MAML2: variants seen among roughly 807,000 people sequenced by gnomAD.
MAML2 encodes mastermind like transcriptional coactivator 2, also known as mastermind-like protein 2.
In MAML2, 22 loss-of-function variants were observed where a neutral mutation model predicts 96.1. The ratio of observed to expected loss-of-function variants is 0.23; its 90% CI spans 0.16 to 0.33. The LOEUF is 0.33. Ranked by LOEUF, MAML2 falls within the 10% of genes least tolerant of loss-of-function variation. The pLI is 1.00. For missense variants in MAML2, 1,367 were observed against 1,392.4 expected (o/e 0.98, Z 0.29); for synonymous variants, 561 against 521.3 (o/e 1.08, Z -1.04).
chr11:96,215,080 GA>G (rs1415488368), intron 1 of MAML2, among the ~76,000 whole-genome samples: 1 of 152,226 alleles, frequency 6.6e-6, no homozygotes, highest in Non-Finnish European at 1.5e-5. Context: ...CTTGCACTAG[GA>G]ATATGGGAAA....
intron 1 of MAML2, among the ~76,000 whole-genome samples, chr11:96,257,494 T>C (rs1429915050): frequency 6.6e-6 from 1 of 152,232 alleles, no homozygotes. Flanking sequence ...ACATGTCAAA[T>C]TGAATCTTTG....
At chr11:96,174,998 T>C (rs1861360679) in intron 1 of MAML2, among the ~76,000 whole-genome samples, 1 of 152,208 alleles carries the variant, frequency 6.6e-6, no homozygotes, top group Admixed American at 6.5e-5. Flanking sequence ...TTGGAAAACA[T>C]GGTGCGAAGC....
At chr11:96,006,811 C>T (rs1484171740) in intron 2 of MAML2, among the ~76,000 whole-genome samples, 9 of 151,212 alleles carry the variant, frequency 6.0e-5, no homozygotes, top group South Asian at 2.1e-4. Flanking sequence ...CCGCCTGCCT[C>T]GGCCTCCCAA....
intron 1 of MAML2, among the ~76,000 whole-genome samples, chr11:96,146,138 A>G (rs1479347748): frequency 6.6e-6 from 1 of 152,242 alleles, no homozygotes; most frequent in African/African-American, 2.4e-5. Flanking sequence ...AAAGGTTTAT[A>G]TATCCATATC....
intron 2 of MAML2, among the ~76,000 whole-genome samples, chr11:95,998,929 A>G (rs184914047): frequency 1.8e-4 from 27 of 152,324 alleles, no homozygotes; most frequent in African/African-American, 6.0e-4. Flanking sequence ...TGAGGTTGCA[A>G]TCTATGTCTA....
chr11:96,066,960 G>A (rs903883152), intron 2 of MAML2, among the ~76,000 whole-genome samples: 2 of 152,184 alleles, frequency 1.3e-5, no homozygotes, highest in African/African-American at 4.8e-5. Context: ...GAAATAGAGA[G>A]AGCGGAGGGA....
intron 1 of MAML2, among the ~76,000 whole-genome samples, chr11:96,253,772 A>G (rs1361823624): frequency 1.3e-5 from 2 of 152,180 alleles, no homozygotes; most frequent in East Asian, 3.8e-4. Flanking sequence ...GCCATCTGAG[A>G]ATTCTGTTTA....
chr11:96,230,287 C>G (rs535135457), intron 1 of MAML2, among the ~76,000 whole-genome samples: 3 of 152,102 alleles, frequency 2.0e-5, no homozygotes, highest in Non-Finnish European at 2.9e-5. Context: ...TTCATTAATA[C>G]CTCTTTCAAA....
At chr11:95,988,210 C>T (rs1452115173) in intron 3 of MAML2, among the ~76,000 whole-genome samples, 1 of 151,334 alleles carries the variant, frequency 6.6e-6, no homozygotes, top group Non-Finnish European at 1.5e-5. Flanking sequence ...CCATCATAGA[C>T]TATATTGTAA....
chr11:96,264,740 C>T (rs1862803291), intron 1 of MAML2, among the ~76,000 whole-genome samples: 1 of 152,156 alleles, frequency 6.6e-6, no homozygotes, highest in African/African-American at 2.4e-5. Flanking sequence ...GGAGTCATGA[C>T]CCCAAACCAC....
intron 1 of MAML2, among the ~76,000 whole-genome samples, chr11:96,200,290 C>A (rs1308650994): frequency 6.6e-6 from 1 of 152,196 alleles, no homozygotes; most frequent in Non-Finnish European, 1.5e-5. Context: ...TCAGGAGAAG[C>A]CATGGCTGAG....
intron 3 of MAML2, among the ~76,000 whole-genome samples, chr11:95,989,703 A>G (rs1413424577): frequency 1.3e-5 from 2 of 152,170 alleles, no homozygotes; most frequent in Non-Finnish European, 2.9e-5. Context: ...TATGATTTCT[A>G]GAAGAAACCA....
intron 2 of MAML2, among the ~76,000 whole-genome samples, chr11:96,033,875 G>A (rs573123624): frequency 7.2e-5 from 11 of 152,244 alleles, no homozygotes; most frequent in African/African-American, 2.4e-4. Context: ...GCTGCAACAC[G>A]GCAGGTTTCC....
intron 3 of MAML2, among the ~76,000 whole-genome samples, chr11:95,988,311 T>G (rs1857860304): frequency 6.6e-6 from 1 of 151,622 alleles, no homozygotes; most frequent in Non-Finnish European, 1.5e-5. Context: ...CAGGCTGGAG[T>G]GCAATGGCAC....
intron 1 of MAML2, among the ~76,000 whole-genome samples, chr11:96,321,880 C>A (rs1455894417): frequency 6.6e-6 from 1 of 152,094 alleles, no homozygotes; most frequent in African/African-American, 2.4e-5. Flanking sequence ...CAACTAAATG[C>A]CAATTTTTTT....
intron 1 of MAML2, among the ~76,000 whole-genome samples, chr11:96,259,528 C>T (rs1437420510): frequency 1.3e-5 from 2 of 152,184 alleles, no homozygotes; most frequent in Non-Finnish European, 2.9e-5. Flanking sequence ...TCTAGAATTT[C>T]CATTTATGAA....
chr11:96,016,381 C>G (rs1303059501), intron 2 of MAML2, among the ~76,000 whole-genome samples: 1 of 152,134 alleles, frequency 6.6e-6, no homozygotes, highest in African/African-American at 2.4e-5. Context: ...TCTGCCCATC[C>G]TGCTCCTAGC....
chr11:96,126,907 G>T (rs1359542405), intron 1 of MAML2, among the ~76,000 whole-genome samples: 1 of 79,100 alleles, frequency 1.3e-5, no homozygotes, highest in Non-Finnish European at 2.7e-5. Context: ...TATGGACATG[G>T]GGGGGGTCAA....
At chr11:96,060,873 GT>G (rs971930497) in intron 2 of MAML2, among the ~76,000 whole-genome samples, 13 of 152,040 alleles carry the variant, frequency 8.6e-5, no homozygotes, top group African/African-American at 1.2e-4. Context: ...ATATAATTCT[GT>G]TTTTTTAAAA....
Sources: gnomAD v4.1 joint callset for allele counts (sites outside exome capture counted in the v4.1 genomes callset) on GRCh38, gnomAD v4.1.1 for gene constraint, MANE v1.5 for transcripts, NCBI Gene and HGNC (gene_info 2026-07-23, HGNC 2026-07-21) for gene names.